Variants in CPEB1 observed in about 807,000 individuals in gnomAD.
CPEB1 encodes the protein cytoplasmic polyadenylation element-binding protein 1.
Under a neutral mutation model 65.8 loss-of-function variants are expected in CPEB1, and 7 were observed. That is an observed-to-expected ratio of 0.11 (90% CI 0.06 to 0.20). The LOEUF (loss-of-function observed/expected upper bound fraction) is 0.20, where lower values mean the gene tolerates loss of function less well. Ranked by LOEUF, CPEB1 falls within the 10% of genes least tolerant of loss-of-function variation. The pLI, the probability that CPEB1 is intolerant of heterozygous loss-of-function variation, is 1.00. For missense variants in CPEB1, 551 were observed against 712.2 expected (o/e 0.77, Z 2.58); for synonymous variants, 262 against 260.0 (o/e 1.01, Z -0.08).
chr15:82,616,542 T>TTC (rs1373915791), intron 3 of CPEB1, among the ~76,000 whole-genome samples: 1 of 150,986 alleles, frequency 6.6e-6, no homozygotes, highest in East Asian at 1.9e-4. Context: ...TTTAAATTTT[T>TTC]TTTTTTTTTT....
intron 5 of CPEB1, chr15:82,556,605 T>G (rs1014202304): frequency 6.6e-6 from 1 of 152,552 alleles, no homozygotes; most frequent in Non-Finnish European, 1.5e-5. Context: ...AAATTCTAAT[T>G]TACGTGTGTG....
At chr15:82,587,948 C>A (rs2041934111) in intron 3 of CPEB1, among the ~76,000 whole-genome samples, 1 of 152,008 alleles carries the variant, frequency 6.6e-6, no homozygotes, top group African/African-American at 2.4e-5. Flanking sequence ...TTGAGACAGG[C>A]TCTGGCTCTG....
chr15:82,644,129 G>A (rs989419295), intron 1 of CPEB1, among the ~76,000 whole-genome samples: 1 of 152,134 alleles, frequency 6.6e-6, no homozygotes, highest in Non-Finnish European at 1.5e-5. Flanking sequence ...ATACATTGTG[G>A]AATGATAGAC....
chr15:82,605,690 CAA>C (rs2043517484), intron 3 of CPEB1, among the ~76,000 whole-genome samples: 1 of 152,062 alleles, frequency 6.6e-6, no homozygotes, highest in South Asian at 2.1e-4. Flanking sequence ...AGGAAGAAGA[CAA>C]AAGATAGCTA....
chr15:82,619,460 T>C (rs1253988769), intron 3 of CPEB1, among the ~76,000 whole-genome samples: 2 of 152,194 alleles, frequency 1.3e-5, no homozygotes, highest in East Asian at 3.8e-4. Context: ...CAATTTAAGT[T>C]TTCTGTTATT....
At chr15:82,584,339 A>C (rs1304514362) in intron 3 of CPEB1, among the ~76,000 whole-genome samples, 3 of 151,378 alleles carry the variant, frequency 2.0e-5, no homozygotes, top group Admixed American at 2.0e-4. Flanking sequence ...TACCTGTCTA[A>C]ATTATTGGAC....
intron 4 of CPEB1, among the ~76,000 whole-genome samples, chr15:82,562,750 A>G (rs1380966418): frequency 6.6e-6 from 1 of 151,826 alleles, no homozygotes; most frequent in Non-Finnish European, 1.5e-5. Flanking sequence ...CAGGAGGATC[A>G]CTTGAGCCTA....
intron 1 of CPEB1, among the ~76,000 whole-genome samples, chr15:82,633,466 G>A (rs1295956715): frequency 5.3e-5 from 8 of 152,184 alleles, no homozygotes; most frequent in South Asian, 2.1e-4. Flanking sequence ...TCTGCCTCCC[G>A]GGTTCAAGTG....
intron 3 of CPEB1, 171 bp from the exon 4 acceptor site, chr15:82,571,703 A>G (rs1291003476): frequency 5.6e-6 from 8 of 1,433,504 alleles, no homozygotes; most frequent in Non-Finnish European, 7.3e-6. Flanking sequence ...CTGGGGCAAG[A>G]GCAGTTGCCA....
At chr15:82,647,468 G>T (rs1256458624), upstream of CPEB1, 1 of 179,914 alleles carries the variant, frequency 5.6e-6, no homozygotes, top group Non-Finnish European at 1.2e-5. Context: ...AGCGCCAGCG[G>T]CTTCGGGTCT....
At chr15:82,619,125 A>G (rs966064939) in intron 3 of CPEB1, among the ~76,000 whole-genome samples, 4 of 152,256 alleles carry the variant, frequency 2.6e-5, no homozygotes, top group African/African-American at 9.6e-5. Context: ...AAGAGAAGAG[A>G]GTATCCAGAA....
At chr15:82,648,168 G>C (rs587625711), upstream of CPEB1, 9 of 332,642 alleles carry the variant, frequency 2.7e-5, no homozygotes, top group Non-Finnish European at 5.5e-6. Context: ...GCCGCTGCTA[G>C]CCACAGCTGC....
Position 82,544,355 on chromosome 15 carries a change from A to T in CPEB1, c.*237T>A. On this transcript the variant is annotated 3_prime_UTR_variant, in exon 13 of 13. Coordinates refer to ENST00000684509, the MANE Select transcript of CPEB1 (RefSeq NM_001365242.1). ...CTGGGAAAACTACAGAGTCGCTTGG[A>T]GGGTAAGCCAGAGGGTCCTTGCCCT... 1.0e-3 allele frequency: 190 copies of T among 189,028 alleles called. No individual in the cohort carries two copies. The highest frequency in any genetic ancestry group is 2.5e-3 in the East Asian group (18 of 7,338). The allele number at this position is 189,028 out of a possible 1,614,324, so 11.7% of individuals were successfully genotyped here.
intron 3 of CPEB1, among the ~76,000 whole-genome samples, chr15:82,615,872 G>T (rs1178091498): frequency 6.6e-6 from 1 of 151,864 alleles, no homozygotes; most frequent in East Asian, 1.9e-4. Context: ...TGTGGGCACA[G>T]GAGACTTAAA....
At chr15:82,572,010 A>G in intron 3 of CPEB1, 1 of 237,970 alleles carries the variant, frequency 4.2e-6, no homozygotes, top group Non-Finnish European at 6.9e-6. Flanking sequence ...GTGGCCAAGC[A>G]GCCCTCACGC....
chr15:82,572,477 C>T (rs1235865439), intron 3 of CPEB1, among the ~76,000 whole-genome samples: 2 of 152,070 alleles, frequency 1.3e-5, no homozygotes, highest in African/African-American at 2.4e-5. Flanking sequence ...TGAGACCTGC[C>T]CTGACTAGGA....
intron 3 of CPEB1, among the ~76,000 whole-genome samples, chr15:82,622,615 C>A (rs2045403794): frequency 6.6e-6 from 1 of 152,112 alleles, no homozygotes; most frequent in Non-Finnish European, 1.5e-5. Flanking sequence ...TGGTCTCAAA[C>A]TCCTGACCTC....
chr15:82,571,916 C>T, intron 3 of CPEB1: 1 of 934,456 alleles, frequency 1.1e-6, no homozygotes, highest in Non-Finnish European at 1.3e-6. Context: ...CAGGGAAAGA[C>T]AGCACAACAG....
chr15:82,633,994 T>G (rs1055674578), intron 1 of CPEB1, among the ~76,000 whole-genome samples: 1 of 151,404 alleles, frequency 6.6e-6, no homozygotes, highest in Non-Finnish European at 1.5e-5. Flanking sequence ...TAGCACCTAC[T>G]TTGCAGACTT....
Sources: gnomAD v4.1 joint callset for allele counts (sites outside exome capture counted in the v4.1 genomes callset) on GRCh38, gnomAD v4.1.1 for gene constraint, MANE v1.5 for transcripts, NCBI Gene and HGNC (gene_info 2026-07-23, HGNC 2026-07-21) for gene names.